The following ITSN2 variants were observed in gnomAD, a reference collection of about 807,000 sequenced individuals.
ITSN2 encodes intersectin 2.
ITSN2 carries 156 observed loss-of-function variants against 243.7 expected under a neutral mutation model. That is an observed-to-expected ratio of 0.64 (90% CI 0.56 to 0.73). The LOEUF (loss-of-function observed/expected upper bound fraction) is 0.73, where lower values mean the gene tolerates loss of function less well. ITSN2 is among the 30% of genes least tolerant of loss of function. The pLI is 0.00. For missense variants in ITSN2, 1,801 were observed against 1,996.1 expected (o/e 0.90, Z 1.86); for synonymous variants, 703 against 699.9 (o/e 1.00, Z -0.07).
At position 24,312,300 on chromosome 2, in the gene ITSN2, C is replaced by T. The variant is rs1421738557; in HGVS notation, c.264G>A (p.Leu88=). 1.2e-6 allele frequency: 2 copies of T among 1,613,662 alleles called. No individual in the cohort carries two copies. The highest frequency in any genetic ancestry group is 1.1e-5 in the South Asian group (1 of 90,994). The change falls in exon 5 of 40, where the codon CTG becomes CTA. Residue 88 remains leucine (L), a synonymous_variant. Coordinates refer to ENST00000355123, the MANE Select transcript of ITSN2 (RefSeq NM_006277.3). ...CAGGCAACTGTTGGCCTTGAAGCTTCAGTTTGATGAGTTTCATAGCTATGG... is the reference window on the plus strand; with the variant it reads ...CAGGCAACTGTTGGCCTTGAAGCTTTAGTTTGATGAGTTTCATAGCTATGG... ...EFSIAMKLIK[L]KLQGQQLPVV...
chr2:24,251,849 A>T (rs985992187), intron 25 of ITSN2, among the ~76,000 whole-genome samples: 44 of 152,066 alleles, frequency 2.9e-4, no homozygotes, highest in Non-Finnish European at 3.2e-4. Context: ...AACATACTTT[A>T]AAAAAGCCTA....
At chr2:24,265,292 G>C (rs1205641023) in intron 20 of ITSN2, among the ~76,000 whole-genome samples, 1 of 152,136 alleles carries the variant, frequency 6.6e-6, no homozygotes, top group Non-Finnish European at 1.5e-5. Context: ...ATAAAACTTT[G>C]TAACTTTCAA....
intron 29 of ITSN2, among the ~76,000 whole-genome samples, chr2:24,222,344 G>A (rs929243669): frequency 7.9e-5 from 12 of 151,750 alleles, no homozygotes; most frequent in Non-Finnish European, 1.8e-4. Context: ...AAAGGGCCAG[G>A]GAAGGCCATG....
intron 20 of ITSN2, among the ~76,000 whole-genome samples, chr2:24,262,158 G>A (rs1255738849): frequency 6.6e-6 from 1 of 151,918 alleles, no homozygotes; most frequent in African/African-American, 2.4e-5. Flanking sequence ...CTGGCTTTTG[G>A]CTATGGGAAA....
intron 32 of ITSN2, among the ~76,000 whole-genome samples, chr2:24,214,703 G>A (rs1669806236): frequency 6.6e-6 from 1 of 151,862 alleles, no homozygotes; most frequent in Non-Finnish European, 1.5e-5. Flanking sequence ...AACAGTTCTT[G>A]GATATATTGA....
rs747076634 is a variant in ITSN2, at chr2:24,209,942, AGTTCC to A, written c.4344_4348del (p.Lys1448AsnfsTer8). On this transcript the variant is annotated frameshift_variant, in exon 35 of 40. Coordinates refer to ENST00000355123, the MANE Select transcript of ITSN2 (RefSeq NM_006277.3). LOFTEE classifies it high-confidence loss of function. ...GAAGTCATTGAAGAGGAATCCGTGC[AGTTCC>A]TTGTTGCTCTTGGTCTTGTATAATT... 1 of 1,614,210 alleles carries A rather than the reference AGTTCC, an allele frequency of 6.2e-7. No individual in the cohort carries two copies. Among genetic ancestry groups the A allele is most frequent in the Non-Finnish European group, 8.5e-7 (1 of 1,179,986 alleles).
chr2:24,312,401 T>C (rs1683360053), intron 4 of ITSN2, 26 bp from the exon 5 acceptor site: 7 of 1,560,806 alleles, frequency 4.5e-6, no homozygotes, highest in South Asian at 3.7e-5. Context: ...GGTAGGTAGA[T>C]TGCTATGTGG....
At chr2:24,278,630 A>G (rs1231003671) in intron 17 of ITSN2, among the ~76,000 whole-genome samples, 1 of 151,572 alleles carries the variant, frequency 6.6e-6, no homozygotes, top group Non-Finnish European at 1.5e-5. Flanking sequence ...GAATTCATTA[A>G]GAGTTGTTCT....
At chr2:24,228,872 T>G (rs1671298104) in intron 29 of ITSN2, among the ~76,000 whole-genome samples, 1 of 152,178 alleles carries the variant, frequency 6.6e-6, no homozygotes, top group African/African-American at 2.4e-5. Flanking sequence ...GGCTCTGGAT[T>G]AAAAATCAGG....
chr2:24,297,709 C>T (rs1040507506), intron 13 of ITSN2, among the ~76,000 whole-genome samples: 1 of 152,106 alleles, frequency 6.6e-6, no homozygotes, highest in Non-Finnish European at 1.5e-5. Context: ...CTCCTCAGAC[C>T]ATCTTACAGA....
chr2:24,326,207 T>A (rs954985822), intron 2 of ITSN2, among the ~76,000 whole-genome samples: 1 of 152,182 alleles, frequency 6.6e-6, no homozygotes, highest in Non-Finnish European at 1.5e-5. Flanking sequence ...AAAATTACTA[T>A]CTGTATGCCT....
At chr2:24,264,484 TTC>T (rs1348514796) in intron 20 of ITSN2, among the ~76,000 whole-genome samples, 3 of 152,228 alleles carry the variant, frequency 2.0e-5, no homozygotes, top group African/African-American at 4.8e-5. Context: ...TGTTAAGATT[TTC>T]TCTGTTTTCT....
At chr2:24,265,461 A>G (rs1676548994) in intron 20 of ITSN2, among the ~76,000 whole-genome samples, 1 of 152,220 alleles carries the variant, frequency 6.6e-6, no homozygotes, top group South Asian at 2.1e-4. Context: ...CAACCTTGCT[A>G]AACTCATTTA....
rs148490254 is a variant in ITSN2, at chr2:24,217,993, T to G, written c.3720A>C (p.Ala1240=). 28 of 1,613,798 alleles carry G rather than the reference T, an allele frequency of 1.7e-5. No homozygotes were observed. The African/African-American group carries it at 3.7e-4, about 22-fold the overall frequency. ...CCCCTTCAGTGAGAAAGCCTGACTC[T>G]GCCATGCGTTTCTGAAAAACCTAAA... The part of the protein sequence containing the change: ...LVVEVFQKRM[A]ESGFLTEGEM... The change falls in exon 31 of 40, where the codon GCA becomes GCC. Residue 1240 remains alanine (A), a synonymous_variant. Transcript: ENST00000355123.
In ITSN2 at chr2:24,252,518, G is replaced by A. The variant is rs1406778115; in HGVS notation, c.2954-7C>T. On this transcript the variant is annotated splice_polypyrimidine_tract_variant and splice_region_variant and intron_variant, in intron 24 of 39. Coordinates refer to ENST00000355123, the MANE Select transcript of ITSN2 (RefSeq NM_006277.3). ...GGATAAAGTGCAATATATTCTGTAG[G>A]GAACAAAGCAAAAAGAAGTAGATTC... is the stretch of plus-strand genomic sequence containing the variant. 6 of 1,586,236 alleles carry A rather than the reference G, an allele frequency of 3.8e-6. No individual in the cohort carries two copies. In the East Asian group the frequency reaches 6.8e-5, roughly 18 times the overall value.
chr2:24,278,937 C>T (rs979837046), intron 17 of ITSN2, among the ~76,000 whole-genome samples: 1 of 152,106 alleles, frequency 6.6e-6, no homozygotes, highest in African/African-American at 2.4e-5. Context: ...CAGGTGTGAG[C>T]CACTGCACCC....
intron 1 of ITSN2, among the ~76,000 whole-genome samples, chr2:24,346,311 T>C (rs768781841): frequency 1.3e-5 from 2 of 152,216 alleles, no homozygotes; most frequent in African/African-American, 2.4e-5. Context: ...ATCTTCCTCC[T>C]AAAAATTCAC....
intron 1 of ITSN2, among the ~76,000 whole-genome samples, chr2:24,352,740 T>C (rs1005858976): frequency 6.6e-6 from 1 of 152,174 alleles, no homozygotes; most frequent in African/African-American, 2.4e-5. Context: ...TCAAATTCTA[T>C]TGAAGATTTA....
chr2:24,314,216 T>C (rs1683636168), intron 3 of ITSN2, among the ~76,000 whole-genome samples: 1 of 152,242 alleles, frequency 6.6e-6, no homozygotes, highest in South Asian at 2.1e-4. Context: ...TTGCTAGTTA[T>C]GCTGTTAGTC....
Sources: gnomAD v4.1 joint callset for allele counts (sites outside exome capture counted in the v4.1 genomes callset) on GRCh38, gnomAD v4.1.1 for gene constraint, MANE v1.5 for transcripts, NCBI Gene and HGNC (gene_info 2026-07-23, HGNC 2026-07-21) for gene names.